The following RAB11FIP3 variants were observed in gnomAD, a reference collection of about 807,000 sequenced individuals.
The protein encoded by RAB11FIP3 is RAB11 family interacting protein 3.
Under a neutral mutation model 77.8 loss-of-function variants are expected in RAB11FIP3, and 17 were observed. The ratio of observed to expected loss-of-function variants is 0.22; its 90% CI spans 0.15 to 0.33. The LOEUF is 0.33. Among genes scored for constraint, RAB11FIP3 ranks in the 10% least tolerant of loss-of-function variants. The probability of loss-of-function intolerance (pLI) is 1.00; values close to 1 mark genes in which losing one functional copy is unlikely to be tolerated. For synonymous variants in RAB11FIP3, 437 were observed against 448.2 expected, an observed-to-expected ratio of 0.98 and a Z score of 0.31; for missense variants, 1,005 against 1,011.2, an observed-to-expected ratio of 0.99 and a Z score of 0.08.
Position 449,149 on chromosome 16 carries a change from T to C in RAB11FIP3, c.715-12255T>C, listed in dbSNP as rs1392790439. On this transcript the variant is annotated intron_variant, in intron 1 of 13. Transcript: ENST00000262305. ...ACCTCACTTCCAGCTGCCGGCCCCC[T>C]GCTCACTCTGCTCCTGACACTCCAC... Among the ~76,000 whole-genome samples, 6 of 152,138 alleles carry C rather than the reference T, an allele frequency of 3.9e-5. 1 individual carries two copies. The highest frequency in any genetic ancestry group is 1.4e-4 in the African/African-American group (6 of 41,512).
intron 3 of RAB11FIP3, chr16:475,108 G>C: frequency 6.4e-7 from 1 of 1,550,954 alleles, no homozygotes; most frequent in Non-Finnish European, 8.7e-7. Flanking sequence ...GGTAAGAGGA[G>C]GCAGTAGTGT....
At position 431,322 on chromosome 16, in the gene RAB11FIP3, A is replaced by G. The variant is rs540723508; in HGVS notation, c.714+4602A>G. Among the ~76,000 whole-genome samples the G allele has an allele frequency of 2.1e-4, 32 of 152,294 alleles. No homozygotes were observed. The South Asian group carries it at 6.2e-3, about 30-fold the overall frequency. ...GGTTGTATAAAACAGAAAATGACCA[A>G]TAATCCCACTATCCTGAGAAAAATA... is the stretch of plus-strand genomic sequence containing the variant. On this transcript the variant is annotated intron_variant, in intron 1 of 13. Coordinates refer to ENST00000262305, the MANE Select transcript of RAB11FIP3 (RefSeq NM_014700.4).
chr16:496,564 G>A (rs556622455), intron 5 of RAB11FIP3, among the ~76,000 whole-genome samples: 35 of 152,356 alleles, frequency 2.3e-4, no homozygotes, highest in Admixed American at 2.0e-3. Context: ...CCTCTCAGTC[G>A]TGGTCTGGGG....
intron 13 of RAB11FIP3, 21 bp from the exon 14 acceptor site, chr16:520,705 G>A (rs751589500): frequency 6.2e-7 from 1 of 1,613,282 alleles, no homozygotes; most frequent in South Asian, 1.1e-5. Flanking sequence ...CCTCAGCTCT[G>A]ACCACCTGCT....
At chr16:499,606 A>G (rs2031375290) in intron 6 of RAB11FIP3, among the ~76,000 whole-genome samples, 1 of 151,416 alleles carries the variant, frequency 6.6e-6, no homozygotes, top group African/African-American at 2.4e-5. Context: ...GAACAGCCTG[A>G]CCAACATGGT....
chr16:478,947 A>G (rs2055977800), intron 3 of RAB11FIP3, among the ~76,000 whole-genome samples: 1 of 152,258 alleles, frequency 6.6e-6, no homozygotes, highest in Non-Finnish European at 1.5e-5. Context: ...CCTGGGTGAC[A>G]GAGTGAGACC....
chr16:491,398 C>T (rs1040538556), intron 5 of RAB11FIP3: 1 of 1,003,002 alleles, frequency 1.0e-6, no homozygotes, highest in African/African-American at 1.7e-5. Flanking sequence ...TCCCTGGGGC[C>T]CCGCCTCCCA....
chr16:482,331 C>T (rs1390324723), intron 3 of RAB11FIP3, 194 bp from the exon 4 acceptor site: 1 of 706,298 alleles, frequency 1.4e-6, no homozygotes, highest in Non-Finnish European at 2.6e-6. Flanking sequence ...ACTGGGATTA[C>T]AGGCGTGAGT....
In RAB11FIP3 at chr16:522,246, AT is replaced by A. The variant is rs1198860624; in HGVS notation, c.*1408del. 2.6e-4 allele frequency: 14 copies of A among 52,980 alleles called. No individual in the cohort carries two copies. In the Middle Eastern group the frequency reaches 0.03, roughly 114 times the overall value. The allele number at this position is 52,980 out of a possible 1,614,324, so 3.3% of individuals were successfully genotyped here. On this transcript the variant is annotated 3_prime_UTR_variant, in exon 14 of 14. Transcript: ENST00000262305. ...AGAGAAAACTGTGTATACACATGAA[AT>A]ATATATATATATATATATATATATA...
chr16:473,007 C>T (rs2055835162), intron 3 of RAB11FIP3, among the ~76,000 whole-genome samples: 1 of 152,202 alleles, frequency 6.6e-6, no homozygotes, highest in Admixed American at 6.5e-5. Context: ...TGCATCCTCT[C>T]CGAGAGCCTT....
At chr16:444,557 T>A (rs180812435) in intron 1 of RAB11FIP3, among the ~76,000 whole-genome samples, 1 of 152,242 alleles carries the variant, frequency 6.6e-6, no homozygotes, top group Non-Finnish European at 1.5e-5. Flanking sequence ...CCTCTCAAGA[T>A]TGGGTTCTGG....
In RAB11FIP3 at chr16:519,904, C is replaced by T. The variant is rs1337393446; in HGVS notation, c.1860+13C>T. 1 of 1,570,894 alleles carries T rather than the reference C, an allele frequency of 6.4e-7. No homozygotes were observed. Among genetic ancestry groups the T allele is most frequent in the South Asian group, 1.2e-5 (1 of 85,862 alleles). The stretch of plus-strand genomic sequence containing the variant: ...GGCCACCCAGGAGGTGAGCACCCAC[C>T]CTGCCCCACGCCCAGTCCTGCGCCC... On this transcript the variant is annotated intron_variant, in intron 11 of 13. Coordinates refer to ENST00000262305, the MANE Select transcript of RAB11FIP3 (RefSeq NM_014700.4).
At chr16:482,235 T>C in intron 3 of RAB11FIP3, 1 of 556,376 alleles carries the variant, frequency 1.8e-6, no homozygotes, top group South Asian at 1.8e-5. Context: ...TTTTGTATTT[T>C]TGGTAGAGAC....
chr16:470,423 G>A lies in RAB11FIP3; in HGVS notation c.809-872G>A, dbSNP rs111603578. Reference sequence around the variant, plus strand: ...GCTGGGATTACAGGCATAGGCCACCGTGCCTGGCCCCAACCTTCACTTTTA... The same window carrying A: ...GCTGGGATTACAGGCATAGGCCACCATGCCTGGCCCCAACCTTCACTTTTA... On this transcript the variant is annotated intron_variant, in intron 2 of 13. Transcript: ENST00000262305. Among the ~76,000 whole-genome samples, 583 of 152,354 alleles carry A rather than the reference G, an allele frequency of 3.8e-3. 3 individuals carry two copies. The highest frequency in any genetic ancestry group is 0.013 in the African/African-American group (550 of 41,590).
chr16:425,984 C>T lies in RAB11FIP3; in HGVS notation c.-23C>T. On this transcript the variant is annotated 5_prime_UTR_variant, in exon 1 of 14. Coordinates refer to ENST00000262305, the MANE Select transcript of RAB11FIP3 (RefSeq NM_014700.4). ...CCTTTGTCTGCCGCCCGCGCCCTTC[C>T]GCACCACTAGCCTCTCGGGAGCATG... 6 of 943,842 alleles carry T rather than the reference C, an allele frequency of 6.4e-6. No individual in the cohort carries two copies. Among genetic ancestry groups the T allele is most frequent in the Non-Finnish European group, 7.6e-6 (6 of 793,020 alleles). 58.5% of individuals were successfully genotyped at this position (943,842 alleles called of 1,614,324 possible). A position where few individuals can be genotyped will look rare whatever the true frequency, so the allele number is the denominator to read the frequency against.
intron 5 of RAB11FIP3, among the ~76,000 whole-genome samples, chr16:490,448 A>G (rs2030072803): frequency 6.6e-6 from 1 of 152,050 alleles, no homozygotes; most frequent in Non-Finnish European, 1.5e-5. Flanking sequence ...TGCAGCCTCC[A>G]CCTCCCTCAG....
In RAB11FIP3 at chr16:466,599, C is replaced by T. The variant is rs115222146; in HGVS notation, c.809-4696C>T. Among the ~76,000 whole-genome samples, 880 of 152,348 alleles carry T rather than the reference C, an allele frequency of 5.8e-3. 9 individuals are homozygous for T. The highest frequency in any genetic ancestry group is 0.02 in the African/African-American group (837 of 41,580). Reference sequence around the variant, plus strand: ...GTCTGGGAAGCCTGGGGGCTGCCAGCTGTGGACTGTGGCTGCCTGTGGTTG... The same window carrying T: ...GTCTGGGAAGCCTGGGGGCTGCCAGTTGTGGACTGTGGCTGCCTGTGGTTG... On this transcript the variant is annotated intron_variant, in intron 2 of 13. Transcript: ENST00000262305.
rs748822573 is a variant in RAB11FIP3, at chr16:426,617, G to A, written c.611G>A (p.Gly204Asp). Residue 204 changes from glycine to aspartate, a missense_variant, in exon 1 of 14, where the codon GGC (glycine) becomes GAC (aspartate). Physicochemically the swap from Gly to Asp is moderately conservative, Grantham distance 94 (BLOSUM62 -1). Coordinates refer to ENST00000262305, the MANE Select transcript of RAB11FIP3 (RefSeq NM_014700.4). This position sits in a 1 kb window ranked among gnomAD's most constrained non-coding sequence, Gnocchi z 5.0. Reference protein sequence around the residue: ...PSEPVGSQEDGPRLRAVFDAL... With the variant: ...PSEPVGSQEDDPRLRAVFDAL... ...GAGCCCGTGGGGAGTCAGGAGGACGGCCCCCGCCTCCGAGCCGTGTTCGAT... is the reference window on the plus strand; with the variant it reads ...GAGCCCGTGGGGAGTCAGGAGGACGACCCCCGCCTCCGAGCCGTGTTCGAT... 7 of 1,592,358 alleles carry A rather than the reference G, an allele frequency of 4.4e-6. No individual in the cohort carries two copies. Among genetic ancestry groups the A allele is most frequent in the African/African-American group, 2.7e-5 (2 of 73,648 alleles).
At chr16:479,987 TAAA>T (rs930926468) in intron 3 of RAB11FIP3, among the ~76,000 whole-genome samples, 4 of 151,674 alleles carry the variant, frequency 2.6e-5, no homozygotes. Context: ...ATTTTTCATT[TAAA>T]AAAAAGTTGA....
Sources: gnomAD v4.1 joint callset for allele counts (sites outside exome capture counted in the v4.1 genomes callset) on GRCh38, gnomAD v4.1.1 for gene constraint, Gnocchi (gnomAD v3.1) non-coding constraint, MANE v1.5 for transcripts, NCBI Gene and HGNC (gene_info 2026-07-23, HGNC 2026-07-21) for gene names.